RBFOX1: variants seen among roughly 807,000 people sequenced by gnomAD.
RBFOX1 encodes the protein RNA binding fox-1 homolog 1, also known as RNA binding protein fox-1 homolog 1.
RBFOX1 carries 8 observed loss-of-function variants against 57.7 expected under a neutral mutation model. The ratio of observed to expected loss-of-function variants is 0.14; its 90% CI spans 0.08 to 0.25. The LOEUF (loss-of-function observed/expected upper bound fraction) is 0.25. Ranked by LOEUF, RBFOX1 falls within the 10% of genes least tolerant of loss-of-function variation. The pLI is 1.00. For synonymous variants in RBFOX1, 326 were observed against 222.4 expected (o/e 1.47, Z -4.15); for missense variants, 611 against 548.5 (o/e 1.11, Z -1.14).
chr16:5,939,448 C>T (rs944673211), intron 4 of RBFOX1, among the ~76,000 whole-genome samples: 1 of 152,206 alleles, frequency 6.6e-6, no homozygotes, highest in Non-Finnish European at 1.5e-5. Context: ...AGATGGCTCA[C>T]ACATGTGGCT....
At chr16:5,417,175 A>G (rs950362225) in intron 1 of RBFOX1, among the ~76,000 whole-genome samples, 1 of 152,220 alleles carries the variant, frequency 6.6e-6, no homozygotes, top group Admixed American at 6.5e-5. Flanking sequence ...TGAACTGTTA[A>G]TTAAGATTTA....
At chr16:5,749,942 C>G (rs958707078) in intron 3 of RBFOX1, among the ~76,000 whole-genome samples, 7 of 152,160 alleles carry the variant, frequency 4.6e-5, no homozygotes, top group African/African-American at 1.7e-4. Flanking sequence ...GAGAGGTACT[C>G]TGATTTTTAG....
intron 2 of RBFOX1, among the ~76,000 whole-genome samples, chr16:6,502,279 T>G (rs2095958626): frequency 6.6e-6 from 1 of 152,108 alleles, no homozygotes; most frequent in Non-Finnish European, 1.5e-5. Context: ...AAAGTTGACA[T>G]CAGAACCCCT....
At chr16:6,207,972 G>A (rs2097266381) in intron 1 of RBFOX1, among the ~76,000 whole-genome samples, 1 of 152,014 alleles carries the variant, frequency 6.6e-6, no homozygotes, top group Non-Finnish European at 1.5e-5. Flanking sequence ...GGGAGATGTT[G>A]TAGTGATTAA....
rs1597438022 is a variant in RBFOX1 at position 5,836,665 on chromosome 16, T to C, written c.319-30638T>C. On this transcript the variant is annotated intron_variant, in intron 3 of 19. Coordinates refer to the RBFOX1 transcript ENST00000641259. ...CTGTGGACGTTTGGGGGCTGGGTTA[T>C]TCTTTGTTGCGGGGGAGCTGTCCTG... Among the ~76,000 whole-genome samples the C allele has an allele frequency of 2.0e-5, 3 of 152,302 alleles. No individual in the cohort carries two copies. In the South Asian group the frequency reaches 6.2e-4, roughly 32 times the overall value.
At chr16:7,699,746 C>A (rs1187774569) in intron 14 of RBFOX1, among the ~76,000 whole-genome samples, 1 of 150,416 alleles carries the variant, frequency 6.6e-6, no homozygotes, top group African/African-American at 2.4e-5. Flanking sequence ...TTTTTTTTTA[C>A]TTTTTAAAAT....
intron 3 of RBFOX1, among the ~76,000 whole-genome samples, chr16:5,837,920 G>C (rs1174479640): frequency 6.6e-6 from 1 of 152,124 alleles, no homozygotes; most frequent in African/African-American, 2.4e-5. Flanking sequence ...TTGGGCGCTT[G>C]GAGAAGACTG....
intron 1 of RBFOX1, among the ~76,000 whole-genome samples, chr16:6,164,564 T>A (rs144920717): frequency 7.8e-4 from 119 of 151,970 alleles, no homozygotes; most frequent in Admixed American, 1.6e-3. Flanking sequence ...CCTCTCAGAT[T>A]CAAGCGATTC....
chr16:7,349,734 G>A (rs188871715), intron 4 of RBFOX1, among the ~76,000 whole-genome samples: 1 of 152,236 alleles, frequency 6.6e-6, no homozygotes, highest in East Asian at 1.9e-4. Flanking sequence ...CATTCAGTGT[G>A]TGCTAGACAA....
intron 2 of RBFOX1, among the ~76,000 whole-genome samples, chr16:6,633,327 G>C (rs753241984): frequency 2.0e-5 from 3 of 152,094 alleles, no homozygotes; most frequent in Non-Finnish European, 2.9e-5. Context: ...GCCCAGGCTG[G>C]AATGCAGCGG....
intron 9 of RBFOX1, among the ~76,000 whole-genome samples, chr16:7,606,310 A>G (rs143021231): frequency 6.6e-6 from 1 of 151,116 alleles, no homozygotes; most frequent in Admixed American, 6.6e-5. Flanking sequence ...TTTAGTAGAG[A>G]TGGGGTTTCA....
intron 3 of RBFOX1, among the ~76,000 whole-genome samples, chr16:6,685,374 C>G (rs2059281175): frequency 6.9e-6 from 1 of 144,020 alleles, no homozygotes; most frequent in African/African-American, 2.6e-5. Context: ...CTCCCAGGTT[C>G]AAGCAATTCT....
At chr16:7,538,855 A>G (rs867764509) in intron 5 of RBFOX1, among the ~76,000 whole-genome samples, 1 of 36,880 alleles carries the variant, frequency 2.7e-5, no homozygotes, top group Non-Finnish European at 5.6e-5. Flanking sequence ...CCGCACCCCC[A>G]CCCCCACCCC....
rs144927678 is a variant in RBFOX1 at position 7,305,364 on chromosome 16, T to C, written c.28-212783T>C. Among the ~76,000 whole-genome samples, 928 of 152,168 alleles carry C rather than the reference T, an allele frequency of 6.1e-3. 3 individuals carry two copies. The highest frequency in any genetic ancestry group is 1.0e-2 in the Non-Finnish European group (677 of 67,990). On this transcript the variant is annotated intron_variant, in intron 4 of 15. Transcript: ENST00000550418. ...GGGAAATAGCTCAGCACTGCCCTTG[T>C]AGGGTGACAGGCCAGCTCTCTGTCA...
chr16:6,077,900 A>T (rs2095933440), intron 1 of RBFOX1, among the ~76,000 whole-genome samples: 1 of 152,068 alleles, frequency 6.6e-6, no homozygotes, highest in Non-Finnish European at 1.5e-5. Context: ...ACATCCAAGG[A>T]GTAGACATTG....
intron 4 of RBFOX1, among the ~76,000 whole-genome samples, chr16:7,293,374 G>C (rs2095831533): frequency 1.3e-5 from 2 of 152,108 alleles, no homozygotes; most frequent in South Asian, 4.1e-4. Flanking sequence ...GAAGGTCCTA[G>C]AACCAATCAC....
At chr16:7,241,317 C>A (rs1449835584) in intron 4 of RBFOX1, among the ~76,000 whole-genome samples, 1 of 152,028 alleles carries the variant, frequency 6.6e-6, no homozygotes, top group African/African-American at 2.4e-5. Context: ...GGGTGTGGCC[C>A]AAGCAGGAAG....
At chr16:6,813,542 T>C (rs2089299424) in intron 3 of RBFOX1, among the ~76,000 whole-genome samples, 1 of 152,204 alleles carries the variant, frequency 6.6e-6, no homozygotes, top group Non-Finnish European at 1.5e-5. Flanking sequence ...AAAGTAGCTT[T>C]GCTTGTGCTG....
intron 3 of RBFOX1, among the ~76,000 whole-genome samples, chr16:5,769,077 A>T (rs1417491771): frequency 6.7e-6 from 1 of 149,612 alleles, no homozygotes; most frequent in African/African-American, 2.5e-5. Context: ...GGTCAAAAAG[A>T]AAAAAAAAAG....
Sources: gnomAD v4.1 joint callset for allele counts (sites outside exome capture counted in the v4.1 genomes callset) on GRCh38, gnomAD v4.1.1 for gene constraint, MANE v1.5 for transcripts, NCBI Gene and HGNC (gene_info 2026-07-23, HGNC 2026-07-21) for gene names.